The following OLA1 variants were observed in gnomAD, a reference collection of about 807,000 sequenced individuals.
OLA1 encodes obg-like ATPase 1.
In OLA1, 14 loss-of-function variants were observed where a neutral mutation model predicts 48.4. That is an observed-to-expected ratio of 0.29 (90% confidence interval 0.19 to 0.45). The LOEUF (loss-of-function observed/expected upper bound fraction) is 0.45, where lower values mean the gene tolerates loss of function less well. Ranked by LOEUF, OLA1 falls within the 20% of genes least tolerant of loss-of-function variation. The probability of loss-of-function intolerance (pLI) is 1.00; values close to 1 mark genes in which losing one functional copy is unlikely to be tolerated. For missense variants in OLA1, 325 were observed against 467.1 expected (o/e 0.70, Z 2.80); for synonymous variants, 127 against 150.4 (o/e 0.84, Z 1.14).
At chr2:174,083,211 T>C (rs974082162) in intron 7 of OLA1, among the ~76,000 whole-genome samples, 5 of 152,124 alleles carry the variant, frequency 3.3e-5, no homozygotes, top group African/African-American at 1.2e-4. Flanking sequence ...TAATAGTTAT[T>C]ATGGCAAAAT....
chr2:174,203,590 T>C (rs923013868), intron 4 of OLA1, among the ~76,000 whole-genome samples: 9 of 151,898 alleles, frequency 5.9e-5, no homozygotes, highest in Non-Finnish European at 8.8e-5. Context: ...CAGAAGCCAC[T>C]GTGCCTGGTC....
chr2:174,084,674 T>C (rs1684928324), intron 7 of OLA1, among the ~76,000 whole-genome samples: 1 of 152,202 alleles, frequency 6.6e-6, no homozygotes, highest in African/African-American at 2.4e-5. Flanking sequence ...GAAAAATGTC[T>C]ATTCTCTTTC....
chr2:174,130,401 T>C (rs1326092043), intron 5 of OLA1, among the ~76,000 whole-genome samples: 1 of 152,224 alleles, frequency 6.6e-6, no homozygotes, highest in Non-Finnish European at 1.5e-5. Context: ...AGGCTAATTC[T>C]AGCAATAACC....
At chr2:174,114,739 T>C (rs1685741577) in intron 7 of OLA1, among the ~76,000 whole-genome samples, 1 of 152,220 alleles carries the variant, frequency 6.6e-6, no homozygotes, top group South Asian at 2.1e-4. Context: ...AAGGCACTGC[T>C]AAATCTTTGC....
intron 7 of OLA1, among the ~76,000 whole-genome samples, chr2:174,093,163 A>C (rs1685165270): frequency 6.6e-6 from 1 of 152,160 alleles, no homozygotes; most frequent in African/African-American, 2.4e-5. Context: ...AAAAAAGCTA[A>C]ATTGGCTGGG....
At chr2:174,164,855 A>G (rs916559311) in intron 4 of OLA1, among the ~76,000 whole-genome samples, 1 of 152,324 alleles carries the variant, frequency 6.6e-6, no homozygotes, top group South Asian at 2.1e-4. Context: ...AAGCTGGTCC[A>G]ATGGAGGAAA....
chr2:174,095,805 T>C (rs1221294601), intron 7 of OLA1, among the ~76,000 whole-genome samples: 2 of 152,144 alleles, frequency 1.3e-5, no homozygotes, highest in Admixed American at 6.5e-5. Context: ...ATCCAGAATA[T>C]ATAAAGAACT....
chr2:174,238,261 G>A (rs541904246), intron 2 of OLA1, among the ~76,000 whole-genome samples: 14 of 152,100 alleles, frequency 9.2e-5, no homozygotes, highest in Admixed American at 7.9e-4. Context: ...TTTGGGAGGC[G>A]GAGGCAGGCG....
intron 7 of OLA1, among the ~76,000 whole-genome samples, chr2:174,083,946 A>G (rs1277367394): frequency 6.6e-6 from 1 of 152,208 alleles, no homozygotes; most frequent in Non-Finnish European, 1.5e-5. Context: ...ATCAATTCAG[A>G]ATAACAATAG....
intron 4 of OLA1, among the ~76,000 whole-genome samples, chr2:174,195,141 T>G (rs888773212): frequency 3.9e-5 from 6 of 152,162 alleles, no homozygotes; most frequent in African/African-American, 1.4e-4. Context: ...ACATTAAGAC[T>G]TATGGGTCTG....
At chr2:174,164,414 T>C (rs1476703455) in intron 4 of OLA1, among the ~76,000 whole-genome samples, 1 of 152,124 alleles carries the variant, frequency 6.6e-6, no homozygotes, top group African/African-American at 2.4e-5. Context: ...CACGAAACGG[T>C]TTAATTTTCA....
chr2:174,093,119 C>T (rs534334862), intron 7 of OLA1, among the ~76,000 whole-genome samples: 3 of 152,058 alleles, frequency 2.0e-5, no homozygotes, highest in African/African-American at 7.2e-5. Context: ...CTCAAAATAT[C>T]GTTTGTGAAC....
At chr2:174,103,911 G>C (rs1685455670) in intron 7 of OLA1, among the ~76,000 whole-genome samples, 1 of 152,086 alleles carries the variant, frequency 6.6e-6, no homozygotes, top group African/African-American at 2.4e-5. Context: ...AGTCACACAA[G>C]GTGTTTCTGT....
intron 4 of OLA1, among the ~76,000 whole-genome samples, chr2:174,165,302 T>A (rs1687137148): frequency 1.3e-5 from 2 of 152,164 alleles, no homozygotes; most frequent in Admixed American, 6.5e-5. Context: ...TAAGGTATAT[T>A]CAGAAAACAA....
At chr2:174,156,813 A>C (rs1425299314) in intron 4 of OLA1, among the ~76,000 whole-genome samples, 1 of 151,624 alleles carries the variant, frequency 6.6e-6, no homozygotes, top group East Asian at 1.9e-4. Flanking sequence ...TCGAACTCCT[A>C]ATGTCAGATG....
intron 5 of OLA1, 136 bp downstream of exon 5, chr2:174,141,689 A>ATT (rs61045378): frequency 5.7e-5 from 41 of 724,640 alleles, no homozygotes; most frequent in Non-Finnish European, 7.6e-5. Context: ...TTCCTTAACA[A>ATT]TTTTTTTTAA....
chr2:174,103,103 AC>A (rs1206846556), intron 7 of OLA1, among the ~76,000 whole-genome samples: 1 of 152,098 alleles, frequency 6.6e-6, no homozygotes, highest in African/African-American at 2.4e-5. Flanking sequence ...GGGAACATCC[AC>A]TGAGGGAGGA....
At chr2:174,225,010 C>T (rs1272150877) in intron 3 of OLA1, among the ~76,000 whole-genome samples, 2 of 152,156 alleles carry the variant, frequency 1.3e-5, no homozygotes, top group African/African-American at 4.8e-5. Context: ...TCTGTCACCT[C>T]CAAAACTTAT....
At position 174,098,494 on chromosome 2, in the gene OLA1, A is replaced by G. The variant is rs546364829; in HGVS notation, c.729-16430T>C. Reference sequence around the variant, plus strand: ...TAGTTTTACAAAAAGAATTTTACAAAAAGAATTTTTGTAAATAAAATACAA... The same window carrying G: ...TAGTTTTACAAAAAGAATTTTACAAGAAGAATTTTTGTAAATAAAATACAA... On this transcript the variant is annotated intron_variant, in intron 7 of 10. Transcript: ENST00000284719. Among the ~76,000 whole-genome samples the G allele has an allele frequency of 1.8e-4, 28 of 152,352 alleles. No homozygotes were observed. In the South Asian group the frequency reaches 5.6e-3, roughly 30 times the overall value.
Sources: allele counts gnomAD v4.1 joint callset (sites outside exome capture counted in the v4.1 genomes callset), GRCh38; gene constraint gnomAD v4.1.1; transcripts MANE v1.5; gene names NCBI Gene and HGNC (gene_info 2026-07-23, HGNC 2026-07-21).